Variants in GFAP observed in about 807,000 individuals in gnomAD.
The protein encoded by GFAP is glial fibrillary acidic protein, also known as intermediate filament protein.
GFAP carries 38 observed loss-of-function variants against 49.3 expected under a neutral mutation model. That is an observed-to-expected ratio of 0.77 (90% CI 0.60 to 1.01). The LOEUF is 1.01. GFAP is among the 50% of genes least tolerant of loss of function. The probability of loss-of-function intolerance (pLI) is 0.00; values close to 1 mark genes in which losing one functional copy is unlikely to be tolerated. For synonymous variants in GFAP, 222 were observed against 236.4 expected, an observed-to-expected ratio of 0.94 and a Z score of 0.56; for missense variants, 463 against 579.1, an observed-to-expected ratio of 0.80 and a Z score of 2.06.
At position 44,907,136 on chromosome 17, in the gene GFAP, T is replaced by A. The variant is rs1196740746; in HGVS notation, c.*211A>T. The A allele has an allele frequency of 4.9e-6, 3 of 612,092 alleles. No individual in the cohort carries two copies. Among genetic ancestry groups the A allele is most frequent in the Non-Finnish European group, 8.8e-6 (3 of 339,784 alleles). The allele number at this position is 612,092 out of a possible 1,614,324, so 37.9% of individuals were successfully genotyped here. On this transcript the variant is annotated 3_prime_UTR_variant, in exon 9 of 9. Transcript: ENST00000588735. Reference sequence around the variant, plus strand: ...GGGGTGAGTTTCTTGTTAGTTGGAGTTGCTGGGTGCTGGGTGGGTGCCGTC... The same window carrying A: ...GGGGTGAGTTTCTTGTTAGTTGGAGATGCTGGGTGCTGGGTGGGTGCCGTC...
Position 44,910,005 on chromosome 17 carries a change from G to C in GFAP, c.1171+610C>G. ...CCTGGGCTGGGCACTGCAGTTCCTG[G>C]GAAAATGACGCAGTCCAGGCCCTTT... On this transcript the variant is annotated intron_variant, in intron 7 of 8. Coordinates refer to ENST00000588735, the MANE Select transcript of GFAP (RefSeq NM_002055.5). The C allele has an allele frequency of 7.1e-6, 11 of 1,546,244 alleles. 1 individual carries two copies. The South Asian group carries it at 1.4e-4, about 19-fold the overall frequency.
At chr17:44,908,028 C>G in intron 8 of GFAP, 36 bp downstream of exon 8, 1 of 1,450,564 alleles carries the variant, frequency 6.9e-7, no homozygotes, top group East Asian at 2.3e-5. Flanking sequence ...TCCCTGGGGC[C>G]AGCCAGAGCC....
chr17:44,903,516 C>T lies in GFAP; in HGVS notation c.*3831G>A, dbSNP rs1019157149. The T allele has an allele frequency of 1.6e-6, 2 of 1,284,974 alleles. No homozygotes were observed. The highest frequency in any genetic ancestry group is 2.0e-6 in the Non-Finnish European group (2 of 1,019,618). 79.6% of individuals were successfully genotyped at this position (1,284,974 alleles called of 1,614,324 possible). A position where few individuals can be genotyped will look rare whatever the true frequency, so the allele number is the denominator to read the frequency against. On this transcript the variant is annotated 3_prime_UTR_variant, in exon 9 of 9. Transcript: ENST00000588735. ...CCCGAGCACCTCGGCCCGCCCTTCT[C>T]ATTCCGGTTTCCTTTGACCCATTCT...
chr17:44,911,596 G>C lies in GFAP; in HGVS notation c.906+76C>G, dbSNP rs2051769402. 2.5e-6 allele frequency: 4 copies of C among 1,591,882 alleles called. No homozygotes were observed. In the South Asian group the frequency reaches 4.4e-5, roughly 18 times the overall value. Reference sequence around the variant, plus strand: ...GCCCTCGACCCAGGTCCTCGTCCCTGGCCCTTCTCCCCTGGCATCTCCTGG... The same window carrying C: ...GCCCTCGACCCAGGTCCTCGTCCCTCGCCCTTCTCCCCTGGCATCTCCTGG... On this transcript the variant is annotated intron_variant, in intron 5 of 8. Transcript: ENST00000588735.
chr17:44,904,795 G>T lies in GFAP; in HGVS notation c.*2552C>A. The stretch of plus-strand genomic sequence containing the variant: ...AGGGTGTCAACAGGTCCATGAGGGT[G>T]TTCATTGACCACGGCAACCAGCTCC... On this transcript the variant is annotated 3_prime_UTR_variant, in exon 9 of 9. Coordinates refer to ENST00000588735, the MANE Select transcript of GFAP (RefSeq NM_002055.5). 6.4e-7 allele frequency: 1 copy of T among 1,550,690 alleles called. No homozygotes were observed. The highest frequency in any genetic ancestry group is 1.2e-5 in the South Asian group (1 of 84,058).
chr17:44,905,349 C>CT lies in GFAP; in HGVS notation c.*1997_*1998insA. ...AGGTCAGAGAAGGAAAGTGTGAACT[C>CT]AGATTTATCCAGTGGTAAACACTGA... On this transcript the variant is annotated 3_prime_UTR_variant, in exon 9 of 9. Transcript: ENST00000588735. 2.2e-6 allele frequency: 1 copy of CT among 455,904 alleles called. No individual in the cohort carries two copies. The highest frequency in any genetic ancestry group is 4.1e-6 in the Non-Finnish European group (1 of 244,248). 28.2% of individuals were successfully genotyped at this position (455,904 alleles called of 1,614,324 possible).
At chr17:44,911,894 G>A in intron 4 of GFAP, 97 bp from the exon 5 acceptor site, 1 of 1,422,806 alleles carries the variant, frequency 7.0e-7, no homozygotes, top group South Asian at 1.3e-5. Context: ...TTAACCCCAG[G>A]ACGTTGGCCC....
At chr17:44,910,199 T>C in intron 7 of GFAP, 1 of 1,613,954 alleles carries the variant, frequency 6.2e-7, no homozygotes, top group Non-Finnish European at 8.5e-7. Context: ...TAACTCGTAT[T>C]GTGAGGCTTT....
intron 1 of GFAP, 52 bp downstream of exon 1, chr17:44,914,974 G>A (rs2051872274): frequency 4.6e-6 from 7 of 1,511,160 alleles, no homozygotes; most frequent in Non-Finnish European, 5.4e-6. Flanking sequence ...CTCCTTCTTG[G>A]GGATTCAGCC....
Position 44,905,339 on chromosome 17 carries a change from AGT to A in GFAP, c.*2006_*2007del. On this transcript the variant is annotated 3_prime_UTR_variant, in exon 9 of 9. Transcript: ENST00000588735. ...CTTCACATTTAGGTCAGAGAAGGAAAGTGTGAACTCAGATTTATCCAGTGGTA... is the reference window on the plus strand; with the variant it reads ...CTTCACATTTAGGTCAGAGAAGGAAAGTGAACTCAGATTTATCCAGTGGTA... The A allele has an allele frequency of 2.1e-6, 1 of 477,050 alleles. No individual in the cohort carries two copies. The highest frequency in any genetic ancestry group is 3.9e-5 in the East Asian group (1 of 25,808). 29.6% of individuals were successfully genotyped at this position (477,050 alleles called of 1,614,324 possible).
rs1463757182 is a variant in GFAP, at chr17:44,913,766, C to G, written c.580G>C (p.Glu194Gln). The change falls in exon 3 of 9, where the codon GAG (glutamate) becomes CAG (glutamine). Residue 194 changes from glutamate (E) to glutamine (Q), a missense_variant. Physicochemically the swap from Glu to Gln is conservative, Grantham distance 29. Coordinates refer to ENST00000588735, the MANE Select transcript of GFAP (RefSeq NM_002055.5). ...LDLERKIESL[E>Q]EEIRFLRKIH... ...TTCCTCAAGAACCGGATCTCCTCCT[C>G]CAGCGACTCAATCTTCCTCTCCAGA... The G allele has an allele frequency of 6.2e-7, 1 of 1,614,084 alleles. No individual in the cohort carries two copies. The highest frequency in any genetic ancestry group is 8.5e-7 in the Non-Finnish European group (1 of 1,180,028).
intron 7 of GFAP, chr17:44,909,539 GTC>G (rs1478061037): frequency 6.5e-6 from 1 of 153,580 alleles, no homozygotes; most frequent in Non-Finnish European, 1.4e-5. Context: ...AAATATTCTA[GTC>G]CAGAAGAAGA....
Position 44,915,394 on chromosome 17 carries a change from C to T in GFAP, c.93G>A (p.Leu31=). ...MVGGLAPGRR[L]GPGTRLSLAR... is the part of the protein sequence containing the mutation. ...CCAGGGAGAGGCGGGTGCCAGGACCCAGACGGCGGCCAGGAGCCAGGCCCC... is the reference window on the plus strand; with the variant it reads ...CCAGGGAGAGGCGGGTGCCAGGACCTAGACGGCGGCCAGGAGCCAGGCCCC... Residue 31 remains leucine (L), a synonymous_variant, in exon 1 of 9, where the codon CTG becomes CTA. Coordinates refer to ENST00000588735, the MANE Select transcript of GFAP (RefSeq NM_002055.5). This position sits in a 1 kb window ranked among gnomAD's most constrained non-coding sequence, Gnocchi z 4.1. 3.1e-6 allele frequency: 5 copies of T among 1,607,120 alleles called. No individual in the cohort carries two copies. The highest frequency in any genetic ancestry group is 4.3e-6 in the Non-Finnish European group (5 of 1,176,018).
chr17:44,914,647 A>G (rs1288776147), intron 1 of GFAP: 1 of 289,340 alleles, frequency 3.5e-6, no homozygotes, highest in Non-Finnish European at 6.6e-6. Context: ...CCTCATGGAC[A>G]TCAACCTTCT....
chr17:44,905,098 T>G lies in GFAP; in HGVS notation c.*2249A>C. On this transcript the variant is annotated 3_prime_UTR_variant, in exon 9 of 9. Coordinates refer to ENST00000588735, the MANE Select transcript of GFAP (RefSeq NM_002055.5). ...AGCTCTCTTCAGCTCTGAAGACCAG[T>G]TGTCCTTCAATGTGTTTGTTAAATG... 6.7e-7 allele frequency: 1 copy of G among 1,484,560 alleles called. No individual in the cohort carries two copies. The highest frequency in any genetic ancestry group is 9.1e-7 in the Non-Finnish European group (1 of 1,101,840). The allele number at this position is 1,484,560 out of a possible 1,614,324, so 92.0% of individuals were successfully genotyped here. A position where few individuals can be genotyped will look rare whatever the true frequency, so the allele number is the denominator to read the frequency against.
intron 1 of GFAP, chr17:44,914,445 A>G: frequency 3.4e-6 from 1 of 297,288 alleles, no homozygotes; most frequent in South Asian, 5.5e-5. Flanking sequence ...GTGAAGCGCC[A>G]TGCCCCTGGG....
chr17:44,904,931 T>C lies in GFAP; in HGVS notation c.*2416A>G, dbSNP rs2051630702. Reference sequence around the variant, plus strand: ...GACATCTCATGGGCACTACCCAGCCTCGTTCTCAGATCCTGAGACTCGCTC... The same window carrying C: ...GACATCTCATGGGCACTACCCAGCCCCGTTCTCAGATCCTGAGACTCGCTC... On this transcript the variant is annotated 3_prime_UTR_variant, in exon 9 of 9. Coordinates refer to ENST00000588735, the MANE Select transcript of GFAP (RefSeq NM_002055.5). The C allele has an allele frequency of 6.4e-7, 1 of 1,550,550 alleles. No homozygotes were observed. Among genetic ancestry groups the C allele is most frequent in the Non-Finnish European group, 8.7e-7 (1 of 1,147,010 alleles).
chr17:44,912,108 G>GTTTTTGTT (rs1555574314), intron 4 of GFAP, among the ~76,000 whole-genome samples: 1 of 150,704 alleles, frequency 6.6e-6, no homozygotes, highest in Non-Finnish European at 1.5e-5. Context: ...TGTTTTGTGT[G>GTTTTTGTT]TTTTTGTTTT....
Position 44,915,107 on chromosome 17 carries a change from A to T in GFAP, c.380T>A (p.Leu127His). The T allele has an allele frequency of 6.2e-7, 1 of 1,613,542 alleles. No individual in the cohort carries two copies. ...QAELRELRLR[L>H]DQLTANSARL... is the part of the protein sequence containing the mutation. ...GGCGCTGTTGGCGGTGAGTTGATCGAGCCGCAGCCGCAGCTCTCGCAGCTC... is the reference window on the plus strand; with the variant it reads ...GGCGCTGTTGGCGGTGAGTTGATCGTGCCGCAGCCGCAGCTCTCGCAGCTC... Residue 127 changes from leucine (L) to histidine (H), a missense_variant, in exon 1 of 9, where the codon CTC (leucine) becomes CAC (histidine). Leu to His is a moderately conservative substitution (Grantham distance 99, BLOSUM62 -3). This residue lies in a region of GFAP where 362 missense variants were observed against 445.5 expected (regional missense o/e 0.81). Transcript: ENST00000588735. The surrounding 1 kb of genome is among the most constrained non-coding windows in gnomAD (Gnocchi z 4.1).
Sources: gnomAD v4.1 joint callset for allele counts (sites outside exome capture counted in the v4.1 genomes callset) on GRCh38, gnomAD v4.1.1 for gene constraint, gnomAD v4.1.1 regional missense constraint, Gnocchi (gnomAD v3.1) non-coding constraint, MANE v1.5 for transcripts, NCBI Gene and HGNC (gene_info 2026-07-23, HGNC 2026-07-21) for gene names.